The following SEC23IP variants were observed in gnomAD, a reference collection of about 807,000 sequenced individuals.
The protein encoded by SEC23IP is SEC23 interacting protein.
Under a neutral mutation model 113.4 loss-of-function variants are expected in SEC23IP, and 70 were observed. That is an observed-to-expected ratio of 0.62 (90% confidence interval 0.51 to 0.75). The LOEUF is 0.75. Among genes scored for constraint, SEC23IP ranks in the 30% least tolerant of loss-of-function variants. The probability of loss-of-function intolerance (pLI) is 0.00; values close to 1 mark genes in which losing one functional copy is unlikely to be tolerated. For synonymous variants in SEC23IP, 398 were observed against 421.0 expected (o/e 0.95, Z 0.67); for missense variants, 1,160 against 1,204.9 (o/e 0.96, Z 0.55).
intron 1 of SEC23IP, 104 bp downstream of exon 1, chr10:119,893,049 G>A: frequency 1.5e-6 from 2 of 1,299,436 alleles, no homozygotes; most frequent in Non-Finnish European, 2.1e-6. Context: ...GCTACCCTCT[G>A]GATAGCTTGC....
chr10:119,911,914 G>C (rs528666324), intron 5 of SEC23IP, 130 bp from the exon 6 acceptor site: 1 of 1,095,566 alleles, frequency 9.1e-7, no homozygotes, highest in South Asian at 1.9e-5. Context: ...GTTTGTTTTG[G>C]GGGAACAGTA....
Position 119,920,438 on chromosome 10 carries a change from AC to A in SEC23IP, c.2026-448del, listed in dbSNP as rs1208285560. Among the ~76,000 whole-genome samples the A allele has an allele frequency of 2.0e-5, 3 of 152,288 alleles. No individual in the cohort carries two copies. In the East Asian group the frequency reaches 5.8e-4, roughly 29 times the overall value. On this transcript the variant is annotated intron_variant, in intron 11 of 18. Coordinates refer to ENST00000369075, the MANE Select transcript of SEC23IP (RefSeq NM_007190.4). ...GAATGAATGATGCAGTGTCAGAGAT[AC>A]CCGTCTCTAAGGTACATTTACATGA...
At chr10:119,896,520 G>A (rs1564902434) in intron 1 of SEC23IP, among the ~76,000 whole-genome samples, 1 of 152,220 alleles carries the variant, frequency 6.6e-6, no homozygotes, top group Non-Finnish European at 1.5e-5. Flanking sequence ...CATTGAGGAA[G>A]TAGTTGGAAA....
At chr10:119,909,176 A>G (rs1249668034) in intron 5 of SEC23IP, 46 bp downstream of exon 5, 1 of 1,292,980 alleles carries the variant, frequency 7.7e-7, no homozygotes, top group Non-Finnish European at 1.1e-6. Flanking sequence ...TCATTTTAAT[A>G]TTTTTCTGTG....
chr10:119,897,871 G>A (rs1447503821), intron 1 of SEC23IP, among the ~76,000 whole-genome samples: 2 of 151,650 alleles, frequency 1.3e-5, no homozygotes, highest in African/African-American at 4.8e-5. Flanking sequence ...TGGGTGTGGT[G>A]GTGGGTGCCT....
rs372518855 is a variant in SEC23IP, at chr10:119,898,752, C to T, written c.489C>T (p.Leu163=). The T allele has an allele frequency of 1.2e-6, 2 of 1,613,852 alleles. No homozygotes were observed. The highest frequency in any genetic ancestry group is 1.7e-6 in the Non-Finnish European group (2 of 1,179,880). ...ATCTGCCTTCTCAGCCAAGTAGTCT[C>T]CCTCCTTCATATTTTGGGAACCAAC... is the stretch of plus-strand genomic sequence containing the variant. ...NSYLPSQPSS[L]PPSYFGNQPQ... is the part of the protein sequence containing the mutation. The change falls in exon 2 of 19, where the codon CTC becomes CTT. Residue 163 remains leucine, a synonymous_variant. Coordinates refer to ENST00000369075, the MANE Select transcript of SEC23IP (RefSeq NM_007190.4).
chr10:119,901,842 A>T (rs536108681), intron 2 of SEC23IP, among the ~76,000 whole-genome samples: 122 of 152,076 alleles, frequency 8.0e-4, no homozygotes, highest in African/African-American at 2.9e-3. Context: ...CTGTGCCACC[A>T]CGCCCAGCTA....
chr10:119,933,212 C>G, intron 17 of SEC23IP, 45 bp downstream of exon 17: 1 of 1,524,526 alleles, frequency 6.6e-7, no homozygotes, highest in Non-Finnish European at 9.0e-7. Context: ...GCTTTTGGTG[C>G]TAGCACGTGC....
chr10:119,893,017 G>A, intron 1 of SEC23IP, 72 bp downstream of exon 1: 6 of 1,514,354 alleles, frequency 4.0e-6, no homozygotes, highest in South Asian at 3.7e-5. Flanking sequence ...AGGTCAGACG[G>A]GAGTTTTTCC....
chr10:119,903,608 T>A (rs923698848), intron 3 of SEC23IP, among the ~76,000 whole-genome samples: 1 of 152,244 alleles, frequency 6.6e-6, no homozygotes, highest in South Asian at 2.1e-4. Flanking sequence ...TCTTTTCTAC[T>A]TAAGAGTCAT....
chr10:119,932,316 A>AAGG lies in SEC23IP; in HGVS notation c.2757_2758+1dup. 6.2e-7 allele frequency: 1 copy of AAGG among 1,608,332 alleles called. No homozygotes were observed. Among genetic ancestry groups the AAGG allele is most frequent in the Non-Finnish European group, 8.5e-7 (1 of 1,176,236 alleles). On this transcript the variant is annotated inframe_insertion and splice_region_variant, in exon 16 of 19. Coordinates refer to ENST00000369075, the MANE Select transcript of SEC23IP (RefSeq NM_007190.4). ...GAAGAAGAAGAAAAGCAAGTAGTTG[A>AAGG]AGGTAAATTTGACATTTGAGGCATT...
chr10:119,909,401 G>A (rs1163498308), intron 5 of SEC23IP, among the ~76,000 whole-genome samples: 1 of 152,096 alleles, frequency 6.6e-6, no homozygotes, highest in Non-Finnish European at 1.5e-5. Flanking sequence ...GAGCCAGGGG[G>A]ACAGCAGAAC....
At chr10:119,928,343 T>C (rs1371565964) in intron 13 of SEC23IP, among the ~76,000 whole-genome samples, 1 of 152,226 alleles carries the variant, frequency 6.6e-6, no homozygotes, top group East Asian at 1.9e-4. Context: ...TTTCTTCCAG[T>C]TTGTAATTGT....
intron 11 of SEC23IP, among the ~76,000 whole-genome samples, chr10:119,920,662 T>C (rs1458012035): frequency 2.0e-5 from 3 of 152,250 alleles, no homozygotes; most frequent in African/African-American, 7.2e-5. Flanking sequence ...GAATTTTGTA[T>C]ACCATATGTG....
rs1228158123 is a variant in SEC23IP at position 119,941,320 on chromosome 10, C to T, written c.*755C>T. ...TTTTGTCATCCAAGGTAGCTGTGCACTTGCCTTGTTGCTGAAGTTCCAATA... is the reference window on the plus strand; with the variant it reads ...TTTTGTCATCCAAGGTAGCTGTGCATTTGCCTTGTTGCTGAAGTTCCAATA... On this transcript the variant is annotated 3_prime_UTR_variant, in exon 19 of 19. Transcript: ENST00000369075. 2.0e-5 allele frequency: 3 copies of T among 152,204 alleles called. No individual in the cohort carries two copies. The highest frequency in any genetic ancestry group is 2.0e-4 in the Admixed American group (3 of 15,280). 9.4% of individuals were successfully genotyped at this position (152,204 alleles called of 1,614,324 possible).
chr10:119,902,835 G>GT lies in SEC23IP; in HGVS notation c.734dup (p.Pro246ThrfsTer22). 6.2e-7 allele frequency: 1 copy of GT among 1,614,144 alleles called. No individual in the cohort carries two copies. Among genetic ancestry groups the GT allele is most frequent in the Non-Finnish European group, 8.5e-7 (1 of 1,180,022 alleles). ...AGTGCAGTCACCGGCACAGCAGCAGGTACCTGCCAGACCTGGGGCTCCCTC... is the reference window on the plus strand; with the variant it reads ...AGTGCAGTCACCGGCACAGCAGCAGGTTACCTGCCAGACCTGGGGCTCCCTC... On this transcript the variant is annotated frameshift_variant, in exon 3 of 19. Transcript: ENST00000369075. LOFTEE classifies it high-confidence loss of function.
intron 12 of SEC23IP, among the ~76,000 whole-genome samples, chr10:119,925,783 C>G (rs1209401283): frequency 1.3e-5 from 2 of 152,130 alleles, no homozygotes; most frequent in Admixed American, 1.3e-4. Context: ...CTCGAGCTAT[C>G]CTTCCACCTT....
intron 14 of SEC23IP, 125 bp from the exon 15 acceptor site, chr10:119,930,204 A>C (rs376266728): frequency 2.2e-4 from 116 of 518,736 alleles, no homozygotes; most frequent in African/African-American, 2.1e-3. Flanking sequence ...TATTTGAATA[A>C]GGTGTGGAGA....
intron 13 of SEC23IP, among the ~76,000 whole-genome samples, chr10:119,927,052 A>G (rs1300095014): frequency 1.3e-5 from 2 of 152,090 alleles, no homozygotes; most frequent in African/African-American, 2.4e-5. Flanking sequence ...GCCCTGCACC[A>G]CCACACCTGG....
Sources: allele counts gnomAD v4.1 joint callset (sites outside exome capture counted in the v4.1 genomes callset), GRCh38; gene constraint gnomAD v4.1.1; transcripts MANE v1.5; gene names NCBI Gene and HGNC (gene_info 2026-07-23, HGNC 2026-07-21).